RANBP2: variants seen among roughly 807,000 people sequenced by gnomAD.
RANBP2 encodes the protein E3 SUMO-protein ligase RanBP2.
RANBP2 carries 57 observed loss-of-function variants against 303.6 expected under a neutral mutation model. That is an observed-to-expected ratio of 0.19 (90% CI 0.15 to 0.23). The LOEUF is 0.23. Ranked by LOEUF, RANBP2 falls within the 10% of genes least tolerant of loss-of-function variation. The probability of loss-of-function intolerance (pLI) is 1.00; values close to 1 mark genes in which losing one functional copy is unlikely to be tolerated. For synonymous variants in RANBP2, 1,167 were observed against 1,301.5 expected, an observed-to-expected ratio of 0.90 and a Z score of 2.23; for missense variants, 3,138 against 3,780.8, an observed-to-expected ratio of 0.83 and a Z score of 4.46.
chr2:109,298,333 C>A, the RANBP2 span, among the ~76,000 whole-genome samples: 5 of 152,274 alleles, frequency 3.3e-5, no homozygotes, highest in African/African-American at 1.2e-4. Flanking sequence ...GTCTGTCATC[C>A]TTGTCCCTGC....
chr2:109,567,952 T>C, the RANBP2 span: 6 of 1,612,034 alleles, frequency 3.7e-6, no homozygotes, highest in East Asian at 4.5e-5. Flanking sequence ...GTATCTGCTT[T>C]GGCAATCACT....
At chr2:108,788,046 T>A, downstream of RANBP2, 1 of 1,577,376 alleles carries the variant, frequency 6.3e-7, no homozygotes. Flanking sequence ...ATTTTTCAAA[T>A]TTTTATCAGT....
At chr2:109,036,838 T>A in the RANBP2 span, among the ~76,000 whole-genome samples, 1 of 152,012 alleles carries the variant, frequency 6.6e-6, no homozygotes, top group East Asian at 1.9e-4. Flanking sequence ...CAAAACCCCG[T>A]CTCTTCAAAA....
chr2:109,191,448 G>A, the RANBP2 span, among the ~76,000 whole-genome samples: 1 of 152,196 alleles, frequency 6.6e-6, no homozygotes, highest in Admixed American at 6.5e-5. Context: ...AAATCAATGT[G>A]TTTGGGTGCG....
chr2:108,814,905 G>T, the RANBP2 span, among the ~76,000 whole-genome samples: 1 of 151,374 alleles, frequency 6.6e-6, no homozygotes. Context: ...CAAAGTGCTG[G>T]GATTATAGGC....
the RANBP2 span, among the ~76,000 whole-genome samples, chr2:109,079,054 C>T: frequency 3.9e-5 from 6 of 152,000 alleles, no homozygotes; most frequent in East Asian, 3.9e-4. Context: ...AATCGGTTCA[C>T]GATGTATATG....
At chr2:108,994,987 G>T in the RANBP2 span, among the ~76,000 whole-genome samples, 8 of 151,542 alleles carry the variant, frequency 5.3e-5, no homozygotes, top group Non-Finnish European at 1.2e-4. Context: ...CCGCCACCAC[G>T]CCTGGCTAAT....
the RANBP2 span, among the ~76,000 whole-genome samples, chr2:109,656,755 T>A: frequency 6.6e-6 from 1 of 152,254 alleles, no homozygotes; most frequent in East Asian, 1.9e-4. Flanking sequence ...CCTTTGGCGT[T>A]AATGAATGTC....
chr2:109,208,284 G>C, the RANBP2 span, among the ~76,000 whole-genome samples: 3 of 152,360 alleles, frequency 2.0e-5, no homozygotes, highest in East Asian at 5.8e-4. Flanking sequence ...AGACACTCCT[G>C]CCACCTGCAG....
intron 7 of RANBP2, among the ~76,000 whole-genome samples, chr2:108,741,995 T>C (rs949331714): frequency 3.3e-5 from 5 of 152,004 alleles, no homozygotes; most frequent in Non-Finnish European, 7.4e-5. Context: ...CCTTCTAATA[T>C]AAATCTTTTT....
At chr2:109,495,764 G>A in the RANBP2 span, among the ~76,000 whole-genome samples, 10 of 152,128 alleles carry the variant, frequency 6.6e-5, no homozygotes, top group Admixed American at 2.0e-4. Context: ...AGTGCTGGGC[G>A]TGAGGCGTGA....
the RANBP2 span, among the ~76,000 whole-genome samples, chr2:108,859,935 C>T: frequency 8.5e-5 from 13 of 152,188 alleles, no homozygotes; most frequent in African/African-American, 3.1e-4. Context: ...AATCCTTGAG[C>T]ATGGAATGTT....
At chr2:109,615,168 C>A in the RANBP2 span, 53 of 1,549,014 alleles carry the variant, frequency 3.4e-5, 2 homozygotes, top group African/African-American at 3.1e-4. Flanking sequence ...GGGCAGCAGC[C>A]CGGGCAGCTC....
the RANBP2 span, chr2:108,873,684 C>T: frequency 7.4e-6 from 6 of 811,818 alleles, no homozygotes; most frequent in Non-Finnish European, 9.4e-6. Flanking sequence ...CCCTGGGCCA[C>T]ACTGGATGAA....
chr2:108,964,738 A>T, the RANBP2 span, among the ~76,000 whole-genome samples: 2 of 152,212 alleles, frequency 1.3e-5, no homozygotes, highest in African/African-American at 2.4e-5. Flanking sequence ...CGCCACACTC[A>T]GTGCTCACTA....
At chr2:109,487,479 G>A in the RANBP2 span, among the ~76,000 whole-genome samples, 20 of 152,342 alleles carry the variant, frequency 1.3e-4, no homozygotes, top group Non-Finnish European at 2.5e-4. Context: ...GAAGGCGGAC[G>A]TTTTGGAGAG....
chr2:109,437,930 C>T, the RANBP2 span, among the ~76,000 whole-genome samples: 1 of 152,128 alleles, frequency 6.6e-6, no homozygotes, highest in Admixed American at 6.5e-5. Flanking sequence ...TGACATGATG[C>T]CAAGTACCCC....
chr2:109,080,930 G>T, the RANBP2 span, among the ~76,000 whole-genome samples: 1 of 152,190 alleles, frequency 6.6e-6, no homozygotes, highest in African/African-American at 2.4e-5. Context: ...CTCCAGGAGG[G>T]CTGGAGAGCC....
chr2:109,032,594 G>A, the RANBP2 span, among the ~76,000 whole-genome samples: 1 of 151,870 alleles, frequency 6.6e-6, no homozygotes, highest in South Asian at 2.1e-4. Flanking sequence ...CATGGGGTGG[G>A]GTGGGGGAGT....
Sources: gnomAD v4.1 joint callset for allele counts (sites outside exome capture counted in the v4.1 genomes callset) on GRCh38, gnomAD v4.1.1 for gene constraint, MANE v1.5 for transcripts, NCBI Gene and HGNC (gene_info 2026-07-23, HGNC 2026-07-21) for gene names.